The following MED12L variants were observed in gnomAD, a reference collection of about 807,000 sequenced individuals.
MED12L encodes mediator of RNA polymerase II transcription subunit 12-like protein.
In MED12L, 60 loss-of-function variants were observed where a neutral mutation model predicts 281.3. That is an observed-to-expected ratio of 0.21 (90% CI 0.17 to 0.26). The LOEUF (loss-of-function observed/expected upper bound fraction) is 0.26, where lower values mean the gene tolerates loss of function less well. Ranked by LOEUF, MED12L falls within the 10% of genes least tolerant of loss-of-function variation. The pLI, the probability that MED12L is intolerant of heterozygous loss-of-function variation, is 1.00. For missense variants in MED12L, 2,146 were observed against 2,680.9 expected, an observed-to-expected ratio of 0.80 and a Z score of 4.41; for synonymous variants, 974 against 987.2, an observed-to-expected ratio of 0.99 and a Z score of 0.25.
At chr3:151,356,744 T>G (rs1753974058) in intron 19 of MED12L, among the ~76,000 whole-genome samples, 1 of 152,194 alleles carries the variant, frequency 6.6e-6, no homozygotes, top group African/African-American at 2.4e-5. Flanking sequence ...GAACAAACCT[T>G]ATGATTTGAT....
rs188829702 is a variant in MED12L at position 151,356,897 on chromosome 3, T to C, written c.2662-316T>C. Among the ~76,000 whole-genome samples, 139 of 152,306 alleles carry C rather than the reference T, an allele frequency of 9.1e-4. 2 individuals are homozygous for C. The highest frequency in any genetic ancestry group is 7.4e-3 in the Admixed American group (113 of 15,294). ...AATGAAAAGAAAAGCCAAATAACTT[T>C]CATTTTATTAAAAAGACAAAGGGGA... On this transcript the variant is annotated intron_variant, in intron 19 of 44. Coordinates refer to ENST00000687756, the MANE Select transcript of MED12L (RefSeq NM_001393769.1).
chr3:151,403,006 TTTTC>T (rs1715871451), intron 39 of MED12L, among the ~76,000 whole-genome samples: 1 of 148,634 alleles, frequency 6.7e-6, no homozygotes, highest in African/African-American at 2.4e-5. Flanking sequence ...ATTCCTTCCT[TTTTC>T]TTTCTTTTCT....
At chr3:151,151,570 T>C (rs1159052488) in intron 5 of MED12L, among the ~76,000 whole-genome samples, 1 of 116,236 alleles carries the variant, frequency 8.6e-6, no homozygotes, top group Non-Finnish European at 1.6e-5. Context: ...TCTCAGGAAA[T>C]AGGGAGGCCT....
intron 16 of MED12L, among the ~76,000 whole-genome samples, chr3:151,257,528 G>A (rs2149481397): frequency 6.6e-6 from 1 of 152,318 alleles, no homozygotes; most frequent in South Asian, 2.1e-4. Flanking sequence ...GTACAAAAGT[G>A]ATTATAATAT....
intron 2 of MED12L, among the ~76,000 whole-genome samples, chr3:151,091,340 A>G (rs904635190): frequency 9.2e-5 from 14 of 152,172 alleles, no homozygotes; most frequent in African/African-American, 3.4e-4. Flanking sequence ...GAGGACATTC[A>G]GATTACCCTG....
intron 16 of MED12L, among the ~76,000 whole-genome samples, chr3:151,278,759 C>T (rs183696212): frequency 5.3e-5 from 8 of 152,290 alleles, no homozygotes; most frequent in Non-Finnish European, 7.4e-5. Context: ...AAATTGTCAG[C>T]AGCTTCACAG....
intron 16 of MED12L, among the ~76,000 whole-genome samples, chr3:151,245,985 CAG>C (rs1260637604): frequency 6.6e-6 from 1 of 150,796 alleles, no homozygotes; most frequent in Non-Finnish European, 1.5e-5. Flanking sequence ...AACAGACAAA[CAG>C]AGAGCCAAAT....
intron 16 of MED12L, chr3:151,197,791 A>G (rs1310128279): frequency 6.6e-6 from 1 of 152,650 alleles, no homozygotes; most frequent in African/African-American, 2.4e-5. Flanking sequence ...ATTATAACCT[A>G]CAGGTAGAAT....
At chr3:151,407,246 G>A (rs1716424519) in intron 39 of MED12L, among the ~76,000 whole-genome samples, 1 of 152,148 alleles carries the variant, frequency 6.6e-6, no homozygotes, top group African/African-American at 2.4e-5. Flanking sequence ...TTCAATAAAA[G>A]CAAAAGAAGA....
intron 16 of MED12L, among the ~76,000 whole-genome samples, chr3:151,330,933 A>C (rs1750282474): frequency 6.6e-6 from 1 of 152,222 alleles, no homozygotes; most frequent in South Asian, 2.1e-4. Flanking sequence ...TTAACCTACA[A>C]AATTAATTGT....
chr3:151,378,139 T>G lies in MED12L; in HGVS notation c.4444T>G (p.Ser1482Ala), dbSNP rs1278701395. 1 of 1,609,912 alleles carries G rather than the reference T, an allele frequency of 6.2e-7. No homozygotes were observed. Residue 1482 changes from serine to alanine, a missense_variant, in exon 31 of 45, where the codon TCC (serine) becomes GCC (alanine). Transcript: ENST00000687756. ...LEKGQHLGSSSKKERDRQKQK... is the reference protein window; with the variant it reads ...LEKGQHLGSSAKKERDRQKQK... ...GAAGGGACAGCACTTGGGTTCTTCT[T>G]CCAAAAAGGAAAGGGACAGACAGAA...
intron 16 of MED12L, among the ~76,000 whole-genome samples, chr3:151,273,788 C>T (rs1315041375): frequency 2.0e-5 from 3 of 152,126 alleles, no homozygotes; most frequent in Non-Finnish European, 2.9e-5. Flanking sequence ...TAGAACAAGG[C>T]ATATACCATT....
intron 7 of MED12L, 96 bp downstream of exon 7, chr3:151,158,895 A>G (rs1719633352): frequency 1.0e-5 from 8 of 793,776 alleles, no homozygotes; most frequent in Non-Finnish European, 1.7e-5. Context: ...AGGAAAAAAT[A>G]TCCTGTTGAA....
At chr3:151,338,671 A>G (rs1329671155) in intron 16 of MED12L, 1 of 1,613,664 alleles carries the variant, frequency 6.2e-7, no homozygotes, top group African/African-American at 1.3e-5. Context: ...AAAATAATAA[A>G]GTTTGATTTA....
intron 16 of MED12L, among the ~76,000 whole-genome samples, chr3:151,287,373 G>T (rs1233675205): frequency 6.6e-6 from 1 of 152,174 alleles, no homozygotes; most frequent in African/African-American, 2.4e-5. Flanking sequence ...ACCAGGCCAG[G>T]CAGGGCAGAG....
chr3:151,224,232 A>G (rs1288533475), intron 16 of MED12L, among the ~76,000 whole-genome samples: 2 of 152,168 alleles, frequency 1.3e-5, no homozygotes, highest in Admixed American at 1.3e-4. Context: ...TAAAGGTACA[A>G]CTTTTATATA....
At chr3:151,416,037 C>G (rs902572112) in intron 42 of MED12L, among the ~76,000 whole-genome samples, 4 of 152,000 alleles carry the variant, frequency 2.6e-5, no homozygotes, top group African/African-American at 9.7e-5. Flanking sequence ...AGGGATGGCC[C>G]CGGACAGCGC....
chr3:151,416,432 G>C lies in MED12L; in HGVS notation c.6408+10G>C. The stretch of plus-strand genomic sequence containing the variant: ...GCCCCAGCAGCCCTTGGTAAGGCCT[G>C]TTGTTTTGGAATCAGACATGTGGGT... On this transcript the variant is annotated intron_variant, in intron 43 of 44. Coordinates refer to ENST00000687756, the MANE Select transcript of MED12L (RefSeq NM_001393769.1). 6.2e-7 allele frequency: 1 copy of C among 1,613,034 alleles called. No homozygotes were observed. The highest frequency in any genetic ancestry group is 8.5e-7 in the Non-Finnish European group (1 of 1,179,500).
intron 43 of MED12L, among the ~76,000 whole-genome samples, 194 bp downstream of exon 43, chr3:151,416,616 T>G (rs893864789): frequency 4.6e-5 from 7 of 152,230 alleles, no homozygotes; most frequent in African/African-American, 1.2e-4. Context: ...AAGTAAATAT[T>G]TGGGATTCAG....
Sources: gnomAD v4.1 joint callset for allele counts (sites outside exome capture counted in the v4.1 genomes callset) on GRCh38, gnomAD v4.1.1 for gene constraint, MANE v1.5 for transcripts, NCBI Gene and HGNC (gene_info 2026-07-23, HGNC 2026-07-21) for gene names.